The following PIBF1 variants were observed in gnomAD, a reference collection of about 807,000 sequenced individuals.
PIBF1 encodes progesterone immunomodulatory binding factor 1.
In PIBF1, 90 loss-of-function variants were observed where a neutral mutation model predicts 112.5. The ratio of observed to expected loss-of-function variants is 0.80; its 90% CI spans 0.67 to 0.95. PIBF1 has a LOEUF of 0.95. PIBF1 is among the 40% of genes least tolerant of loss of function. The probability of loss-of-function intolerance (pLI) is 0.00; values close to 1 mark genes in which losing one functional copy is unlikely to be tolerated. For synonymous variants in PIBF1, 301 were observed against 288.6 expected (o/e 1.04, Z -0.44); for missense variants, 915 against 852.3 (o/e 1.07, Z -0.92).
intron 10 of PIBF1, among the ~76,000 whole-genome samples, chr13:72,867,514 C>T (rs2038978037): frequency 1.3e-5 from 2 of 152,124 alleles, no homozygotes; most frequent in African/African-American, 4.8e-5. Context: ...CTCTTTTCAG[C>T]ACCATAAAGG....
At chr13:72,868,970 G>A (rs2039042885) in intron 10 of PIBF1, among the ~76,000 whole-genome samples, 1 of 152,180 alleles carries the variant, frequency 6.6e-6, no homozygotes, top group African/African-American at 2.4e-5. Context: ...GAAACAACAG[G>A]TGCTGGAGAG....
At chr13:72,906,564 A>G (rs2040712033) in intron 11 of PIBF1, among the ~76,000 whole-genome samples, 1 of 152,120 alleles carries the variant, frequency 6.6e-6, no homozygotes, top group African/African-American at 2.4e-5. Flanking sequence ...TATAACAACC[A>G]CTCAGACAAA....
intron 5 of PIBF1, among the ~76,000 whole-genome samples, 169 bp downstream of exon 5, chr13:72,798,195 T>G (rs1209651111): frequency 6.6e-6 from 1 of 152,230 alleles, no homozygotes; most frequent in African/African-American, 2.4e-5. Flanking sequence ...GTAGTCATCT[T>G]AAACATTGAC....
chr13:72,933,538 T>C (rs903340790), intron 14 of PIBF1, among the ~76,000 whole-genome samples: 1 of 152,254 alleles, frequency 6.6e-6, no homozygotes, highest in Non-Finnish European at 1.5e-5. Context: ...GGCACATGCC[T>C]GTAATCCCAG....
chr13:73,002,805 G>GA (rs572845422), intron 17 of PIBF1, among the ~76,000 whole-genome samples: 95 of 152,012 alleles, frequency 6.2e-4, no homozygotes, highest in Non-Finnish European at 1.1e-3. Flanking sequence ...CCAACATACT[G>GA]AAATCCCGTC....
intron 10 of PIBF1, among the ~76,000 whole-genome samples, chr13:72,862,269 T>C (rs1341946896): frequency 5.9e-5 from 9 of 152,146 alleles, no homozygotes; most frequent in Admixed American, 5.9e-4. Context: ...AGGAATAGAA[T>C]TAGAAGTATC....
At chr13:72,787,952 A>C (rs1281158372) in intron 2 of PIBF1, among the ~76,000 whole-genome samples, 1 of 152,218 alleles carries the variant, frequency 6.6e-6, no homozygotes, top group Non-Finnish European at 1.5e-5. Flanking sequence ...GCACCCAGCC[A>C]TGCCATACAC....
intron 14 of PIBF1, among the ~76,000 whole-genome samples, chr13:72,960,751 A>C (rs1189468078): frequency 6.6e-6 from 1 of 152,210 alleles, no homozygotes; most frequent in Non-Finnish European, 1.5e-5. Flanking sequence ...TGTTTGATTT[A>C]ATTGACTAGA....
At chr13:72,825,968 C>G (rs1468262474) in intron 6 of PIBF1, among the ~76,000 whole-genome samples, 1 of 149,918 alleles carries the variant, frequency 6.7e-6, no homozygotes, top group East Asian at 1.9e-4. Flanking sequence ...CTCTGGCAGG[C>G]TGAGGCTGGA....
chr13:72,869,230 T>C (rs1267084473), intron 10 of PIBF1, among the ~76,000 whole-genome samples: 1 of 152,058 alleles, frequency 6.6e-6, no homozygotes, highest in Non-Finnish European at 1.5e-5. Flanking sequence ...TGTCCAACAA[T>C]GGTAGACTGG....
At chr13:72,865,186 G>C (rs2038872631) in intron 10 of PIBF1, among the ~76,000 whole-genome samples, 2 of 152,088 alleles carry the variant, frequency 1.3e-5, no homozygotes, top group African/African-American at 2.4e-5. Context: ...ATGTATCCTA[G>C]ATAATAATAA....
chr13:72,936,080 C>T (rs57012526), intron 14 of PIBF1, among the ~76,000 whole-genome samples: 2,143 of 151,748 alleles, frequency 0.014, 58 homozygotes, highest in African/African-American at 0.048. Flanking sequence ...CAGGTTGGAG[C>T]GCAGTGGTGT....
At chr13:72,900,043 C>G (rs1439707648) in intron 11 of PIBF1, among the ~76,000 whole-genome samples, 2 of 152,096 alleles carry the variant, frequency 1.3e-5, no homozygotes, top group Non-Finnish European at 2.9e-5. Flanking sequence ...ATATTCCTAA[C>G]AAAGGAGTTG....
At chr13:72,849,851 TGTTTTA>T (rs2038050387) in intron 9 of PIBF1, among the ~76,000 whole-genome samples, 1 of 152,212 alleles carries the variant, frequency 6.6e-6, no homozygotes, top group South Asian at 2.1e-4. Flanking sequence ...AACCTCTTTG[TGTTTTA>T]GTCTTATCAT....
At chr13:72,874,695 C>CACTT (rs368649757) in intron 10 of PIBF1, among the ~76,000 whole-genome samples, 54 of 151,472 alleles carry the variant, frequency 3.6e-4, no homozygotes, top group African/African-American at 1.3e-3. Context: ...TGAACTTGCA[C>CACTT]ACTTAAAATT....
At chr13:73,002,497 T>G (rs1378777501) in intron 17 of PIBF1, among the ~76,000 whole-genome samples, 1 of 152,184 alleles carries the variant, frequency 6.6e-6, no homozygotes, top group Non-Finnish European at 1.5e-5. Context: ...CTAATCTGAT[T>G]TAGAACAACT....
chr13:72,931,236 G>GA lies in PIBF1; in HGVS notation c.1805dup (p.Asp603GlyfsTer11). ...CTGATTTTAAAAGATCTGGAACATC[G>GA]AAAGGACCAAGTAACACAGCTTTCA... On this transcript the variant is annotated frameshift_variant, in exon 14 of 18. Coordinates refer to ENST00000326291, the MANE Select transcript of PIBF1 (RefSeq NM_006346.4). LOFTEE classifies it high-confidence loss of function. 6.2e-7 allele frequency: 1 copy of GA among 1,612,162 alleles called. No individual in the cohort carries two copies. The highest frequency in any genetic ancestry group is 8.5e-7 in the Non-Finnish European group (1 of 1,178,682).
At chr13:72,886,142 G>C (rs2039841364) in intron 10 of PIBF1, among the ~76,000 whole-genome samples, 1 of 152,012 alleles carries the variant, frequency 6.6e-6, no homozygotes, top group African/African-American at 2.4e-5. Flanking sequence ...CCTCCATCGT[G>C]CTACTATTAA....
intron 9 of PIBF1, among the ~76,000 whole-genome samples, chr13:72,847,213 G>A (rs1172184775): frequency 6.6e-6 from 1 of 152,130 alleles, no homozygotes. Flanking sequence ...TGGGTTCAAT[G>A]TTTATCTACT....
Sources: allele counts gnomAD v4.1 joint callset (sites outside exome capture counted in the v4.1 genomes callset), GRCh38; gene constraint gnomAD v4.1.1; transcripts MANE v1.5; gene names NCBI Gene and HGNC (gene_info 2026-07-23, HGNC 2026-07-21).